The following ATG10 variants were observed in gnomAD, a reference collection of about 807,000 sequenced individuals.
ATG10 encodes the protein ubiquitin-like-conjugating enzyme ATG10.
ATG10 carries 30 observed loss-of-function variants against 32.1 expected under a neutral mutation model. That is an observed-to-expected ratio of 0.94 (90% CI 0.70 to 1.27). The LOEUF (loss-of-function observed/expected upper bound fraction) is 1.27. Ranked by LOEUF, ATG10 falls within the 50% of genes most tolerant of loss-of-function variation. The probability of loss-of-function intolerance (pLI) is 0.00; values close to 1 mark genes in which losing one functional copy is unlikely to be tolerated. For missense variants in ATG10, 233 were observed against 262.3 expected (o/e 0.89, Z 0.77); for synonymous variants, 87 against 91.5 (o/e 0.95, Z 0.28).
At chr5:82,232,927 C>T (rs1419193364) in intron 5 of ATG10, among the ~76,000 whole-genome samples, 1 of 152,166 alleles carries the variant, frequency 6.6e-6, no homozygotes, top group Non-Finnish European at 1.5e-5. Context: ...TCTCTCTCTC[C>T]CAATATTCCA....
At chr5:82,137,102 C>T (rs994018946) in intron 3 of ATG10, among the ~76,000 whole-genome samples, 4 of 152,074 alleles carry the variant, frequency 2.6e-5, no homozygotes, top group African/African-American at 7.2e-5. Flanking sequence ...TTTTAGTTAG[C>T]AATTCCTCTA....
chr5:82,086,018 G>C (rs929084935), intron 3 of ATG10, among the ~76,000 whole-genome samples: 8 of 152,090 alleles, frequency 5.3e-5, no homozygotes, highest in African/African-American at 1.9e-4. Context: ...AAACATGTCA[G>C]TAGATGTCAA....
At chr5:82,039,354 G>A (rs1238715984) in intron 2 of ATG10, among the ~76,000 whole-genome samples, 1 of 152,102 alleles carries the variant, frequency 6.6e-6, no homozygotes, top group Non-Finnish European at 1.5e-5. Context: ...TGGAAATATT[G>A]ATAAGATTTT....
intron 3 of ATG10, among the ~76,000 whole-genome samples, chr5:82,139,193 A>C (rs1445030208): frequency 7.0e-6 from 1 of 143,432 alleles, no homozygotes; most frequent in East Asian, 2.0e-4. Context: ...GGCTCACTAC[A>C]ACCTACACCT....
intron 2 of ATG10, among the ~76,000 whole-genome samples, chr5:82,001,349 C>G (rs757470867): frequency 6.6e-6 from 1 of 152,118 alleles, no homozygotes; most frequent in Non-Finnish European, 1.5e-5. Flanking sequence ...TAAGGCAATA[C>G]TAAGCAAAAA....
chr5:82,229,410 AG>A (rs1746259105), intron 5 of ATG10, among the ~76,000 whole-genome samples: 1 of 152,240 alleles, frequency 6.6e-6, no homozygotes, highest in Non-Finnish European at 1.5e-5. Flanking sequence ...TGAGTTTGAC[AG>A]GCACAATTTT....
chr5:82,012,514 C>T (rs879583358), intron 2 of ATG10, among the ~76,000 whole-genome samples: 1 of 152,070 alleles, frequency 6.6e-6, no homozygotes, highest in African/African-American at 2.4e-5. Context: ...CATAGGCAAC[C>T]CTGACCTCCC....
At chr5:82,121,553 A>G (rs987404761) in intron 3 of ATG10, among the ~76,000 whole-genome samples, 2 of 152,166 alleles carry the variant, frequency 1.3e-5, no homozygotes, top group Admixed American at 1.3e-4. Context: ...TTCAAGAGGA[A>G]TGATTCCAGC....
chr5:82,215,316 G>A (rs1745634337), intron 5 of ATG10, among the ~76,000 whole-genome samples: 1 of 152,190 alleles, frequency 6.6e-6, no homozygotes, highest in African/African-American at 2.4e-5. Context: ...GAGAGTGTTA[G>A]TAAGGTAGAC....
chr5:82,228,685 G>A (rs766872631), intron 5 of ATG10, among the ~76,000 whole-genome samples: 11 of 152,152 alleles, frequency 7.2e-5, no homozygotes, highest in African/African-American at 2.7e-4. Flanking sequence ...TTGTCAATAT[G>A]TACCGTGCAT....
At chr5:82,090,447 C>T (rs900702934) in intron 3 of ATG10, among the ~76,000 whole-genome samples, 2 of 152,152 alleles carry the variant, frequency 1.3e-5, no homozygotes, top group Admixed American at 6.6e-5. Context: ...ACAAATTATT[C>T]ATACTGCAAT....
chr5:82,239,598 T>C (rs569078374), intron 5 of ATG10, among the ~76,000 whole-genome samples: 1 of 152,254 alleles, frequency 6.6e-6, no homozygotes, highest in South Asian at 2.1e-4. Flanking sequence ...GAGAACAGCA[T>C]GTGCAAAGGC....
rs572480621 is a variant in ATG10 at position 82,016,328 on chromosome 5, G to A, written c.108+28650G>A. On this transcript the variant is annotated intron_variant, in intron 2 of 7. Coordinates refer to ENST00000282185, the MANE Select transcript of ATG10 (RefSeq NM_031482.5). ...CTTGCCGATTATCCCAGCACCATTTGTTGAATAGGGTGTCCTTTCCCCACT... is the reference window on the plus strand; with the variant it reads ...CTTGCCGATTATCCCAGCACCATTTATTGAATAGGGTGTCCTTTCCCCACT... Among the ~76,000 whole-genome samples the A allele has an allele frequency of 3.9e-5, 6 of 152,276 alleles. No individual in the cohort carries two copies. The East Asian group carries it at 1.2e-3, about 29-fold the overall frequency.
chr5:82,127,146 A>G (rs1405476129), intron 3 of ATG10, among the ~76,000 whole-genome samples: 1 of 151,922 alleles, frequency 6.6e-6, no homozygotes, highest in African/African-American at 2.4e-5. Flanking sequence ...ATCATTTTTT[A>G]TTGCATGTAT....
intron 3 of ATG10, among the ~76,000 whole-genome samples, chr5:82,085,495 C>T (rs1253498157): frequency 2.7e-5 from 2 of 74,724 alleles, no homozygotes; most frequent in Non-Finnish European, 5.1e-5. Context: ...GTCATGGGAT[C>T]GGGGGAGGGG....
intron 4 of ATG10, among the ~76,000 whole-genome samples, chr5:82,171,304 C>G (rs1030275421): frequency 6.6e-6 from 1 of 152,206 alleles, no homozygotes; most frequent in Non-Finnish European, 1.5e-5. Context: ...TTGTAACACA[C>G]ATAAACTTTC....
At chr5:82,046,857 T>C (rs954385324) in intron 2 of ATG10, among the ~76,000 whole-genome samples, 2 of 152,208 alleles carry the variant, frequency 1.3e-5, no homozygotes, top group Non-Finnish European at 2.9e-5. Context: ...CTCTTAATTC[T>C]CTTGAGTAAT....
intron 5 of ATG10, among the ~76,000 whole-genome samples, chr5:82,229,165 C>T (rs1263422509): frequency 2.0e-5 from 3 of 152,164 alleles, no homozygotes; most frequent in Non-Finnish European, 4.4e-5. Context: ...TCTGAGTGGA[C>T]CCCTCTCCTG....
At chr5:82,000,404 A>T (rs114288520) in intron 2 of ATG10, among the ~76,000 whole-genome samples, 2 of 152,296 alleles carry the variant, frequency 1.3e-5, no homozygotes, top group Non-Finnish European at 2.9e-5. Flanking sequence ...TAAAAACCAG[A>T]ACAAGGGAAG....
Sources: gnomAD v4.1 joint callset for allele counts (sites outside exome capture counted in the v4.1 genomes callset) on GRCh38, gnomAD v4.1.1 for gene constraint, MANE v1.5 for transcripts, NCBI Gene and HGNC (gene_info 2026-07-23, HGNC 2026-07-21) for gene names.